PPM1L: variants seen among roughly 807,000 people sequenced by gnomAD.
PPM1L encodes protein phosphatase, Mg2+/Mn2+ dependent 1L, also known as protein phosphatase 1L.
PPM1L carries 13 observed loss-of-function variants against 31.4 expected under a neutral mutation model. The observed-to-expected ratio is 0.41, with a 90% CI of 0.27 to 0.66. PPM1L has a LOEUF of 0.66. PPM1L is among the 30% of genes least tolerant of loss of function. The probability of loss-of-function intolerance (pLI) is 0.29; values close to 1 mark genes in which losing one functional copy is unlikely to be tolerated. For synonymous variants in PPM1L, 184 were observed against 175.4 expected (o/e 1.05, Z -0.39); for missense variants, 326 against 453.7 (o/e 0.72, Z 2.56).
At chr3:160,845,232 G>A (rs976542546) in intron 1 of PPM1L, among the ~76,000 whole-genome samples, 1 of 151,862 alleles carries the variant, frequency 6.6e-6, no homozygotes, top group African/African-American at 2.4e-5. Context: ...ATATGTGTAT[G>A]GACATATGTT....
chr3:160,881,868 A>G (rs1261594690), intron 1 of PPM1L, among the ~76,000 whole-genome samples: 1 of 152,044 alleles, frequency 6.6e-6, no homozygotes, highest in Non-Finnish European at 1.5e-5. Flanking sequence ...TGGCTAACAC[A>G]GTGAAACCCC....
At chr3:161,009,589 TA>T in intron 2 of PPM1L, among the ~76,000 whole-genome samples, 1 of 152,310 alleles carries the variant, frequency 6.6e-6, no homozygotes, top group African/African-American at 2.4e-5. Context: ...TGCAGCCTCT[TA>T]AAATGCAGTG....
intron 2 of PPM1L, among the ~76,000 whole-genome samples, chr3:160,972,649 G>C (rs566363043): frequency 6.6e-6 from 1 of 152,142 alleles, no homozygotes; most frequent in Admixed American, 6.5e-5. Flanking sequence ...GAATAATGCT[G>C]CAATAAACAT....
At chr3:160,977,810 C>A (rs1716648871) in intron 2 of PPM1L, among the ~76,000 whole-genome samples, 1 of 151,982 alleles carries the variant, frequency 6.6e-6, no homozygotes, top group South Asian at 2.1e-4. Flanking sequence ...ATAACCAGAG[C>A]AAAAAGAGAA....
intron 1 of PPM1L, among the ~76,000 whole-genome samples, chr3:160,869,922 T>C (rs1460991841): frequency 6.6e-6 from 1 of 152,242 alleles, no homozygotes; most frequent in Admixed American, 6.5e-5. Flanking sequence ...TGCTTTAGTC[T>C]TGGCTTGTCC....
At chr3:161,055,920 C>T (rs1719397133) in intron 2 of PPM1L, among the ~76,000 whole-genome samples, 1 of 152,148 alleles carries the variant, frequency 6.6e-6, no homozygotes, top group Admixed American at 6.5e-5. Context: ...TCAAGCAAGG[C>T]TTATAAACCA....
intron 2 of PPM1L, among the ~76,000 whole-genome samples, chr3:161,003,078 C>T (rs1436098076): frequency 2.7e-5 from 4 of 148,754 alleles, no homozygotes; most frequent in South Asian, 2.1e-4. Flanking sequence ...TTTCCCAGCA[C>T]CATTTATTAA....
At chr3:160,928,937 A>G (rs1714693190) in intron 1 of PPM1L, among the ~76,000 whole-genome samples, 1 of 152,124 alleles carries the variant, frequency 6.6e-6, no homozygotes, top group Admixed American at 6.5e-5. Flanking sequence ...GATGAAGACA[A>G]GCAGATCTAA....
At chr3:160,906,799 A>G (rs570440967) in intron 1 of PPM1L, among the ~76,000 whole-genome samples, 3 of 152,274 alleles carry the variant, frequency 2.0e-5, no homozygotes, top group Admixed American at 1.3e-4. Context: ...CTTGTGGGAT[A>G]TTGGACAGAG....
At chr3:160,879,942 C>G (rs901714291) in intron 1 of PPM1L, among the ~76,000 whole-genome samples, 6 of 152,108 alleles carry the variant, frequency 3.9e-5, no homozygotes, top group Admixed American at 2.6e-4. Flanking sequence ...GATGATGCTT[C>G]CTTTCATCAT....
At chr3:160,946,998 A>G (rs1715429688) in intron 1 of PPM1L, among the ~76,000 whole-genome samples, 1 of 152,190 alleles carries the variant, frequency 6.6e-6, no homozygotes, top group African/African-American at 2.4e-5. Context: ...AAAATGGTGT[A>G]CATTCTACAC....
At chr3:160,978,416 C>T (rs112018270) in intron 2 of PPM1L, among the ~76,000 whole-genome samples, 14 of 152,158 alleles carry the variant, frequency 9.2e-5, no homozygotes, top group African/African-American at 3.4e-4. Flanking sequence ...GGTACGGGAG[C>T]AAGAGAGTAT....
At chr3:160,884,411 G>A (rs1379422632) in intron 1 of PPM1L, among the ~76,000 whole-genome samples, 2 of 152,154 alleles carry the variant, frequency 1.3e-5, no homozygotes, top group African/African-American at 4.8e-5. Context: ...AGATGGGAAA[G>A]GAAAGACATT....
chr3:160,835,086 T>TTCTTC (rs11474788), intron 1 of PPM1L, among the ~76,000 whole-genome samples: 1 of 106,218 alleles, frequency 9.4e-6, no homozygotes, highest in African/African-American at 3.8e-5. Flanking sequence ...CTTCTTCTTC[T>TTCTTC]TTCTTTTTTC....
chr3:161,049,090 A>C (rs1269579670), intron 2 of PPM1L, among the ~76,000 whole-genome samples: 3 of 151,214 alleles, frequency 2.0e-5, no homozygotes, highest in Non-Finnish European at 4.4e-5. Flanking sequence ...AAAAAAAAAA[A>C]ACCACGGTGA....
chr3:160,945,145 C>G (rs911738340), intron 1 of PPM1L, among the ~76,000 whole-genome samples: 1 of 86,592 alleles, frequency 1.2e-5, no homozygotes, highest in Non-Finnish European at 2.4e-5. Flanking sequence ...ATCTATCTAT[C>G]TATCTATCTC....
At chr3:160,845,568 A>T (rs1714051893) in intron 1 of PPM1L, among the ~76,000 whole-genome samples, 1 of 151,896 alleles carries the variant, frequency 6.6e-6, no homozygotes, top group Admixed American at 6.6e-5. Context: ...CTAAGAATCC[A>T]TTGCCTAAGC....
chr3:160,956,926 A>G (rs946282798), intron 1 of PPM1L, among the ~76,000 whole-genome samples: 2 of 152,248 alleles, frequency 1.3e-5, no homozygotes, highest in Non-Finnish European at 2.9e-5. Flanking sequence ...GGTATAAAGC[A>G]TTGAACCAGA....
At chr3:160,812,833 C>T (rs778783835) in intron 1 of PPM1L, among the ~76,000 whole-genome samples, 4 of 152,230 alleles carry the variant, frequency 2.6e-5, no homozygotes, top group Admixed American at 1.3e-4. Flanking sequence ...GGTTCTACAC[C>T]GCTAGTACAT....
Sources: allele counts gnomAD v4.1 joint callset (sites outside exome capture counted in the v4.1 genomes callset), GRCh38; gene constraint gnomAD v4.1.1; transcripts MANE v1.5; gene names NCBI Gene and HGNC (gene_info 2026-07-23, HGNC 2026-07-21).